ATP8B4: variants seen among roughly 807,000 people sequenced by gnomAD.
ATP8B4 encodes probable phospholipid-transporting ATPase IM.
A neutral mutation model predicts 145.6 loss-of-function variants in ATP8B4; 133 were observed. The ratio of observed to expected loss-of-function variants is 0.91; its 90% CI spans 0.79 to 1.05. ATP8B4 has a LOEUF of 1.05. ATP8B4 is among the 50% of genes least tolerant of loss of function. The pLI is 0.00. For missense variants in ATP8B4, 1,458 were observed against 1,425.2 expected, an observed-to-expected ratio of 1.02 and a Z score of -0.37; for synonymous variants, 507 against 492.9, an observed-to-expected ratio of 1.03 and a Z score of -0.38.
intron 1 of ATP8B4, among the ~76,000 whole-genome samples, chr15:50,155,184 A>G (rs552245750): frequency 6.6e-6 from 1 of 152,180 alleles, no homozygotes; most frequent in Non-Finnish European, 1.5e-5. Flanking sequence ...CATTTTGTCA[A>G]TAACTCAGAA....
At chr15:50,151,323 T>TA (rs1053346725) in intron 1 of ATP8B4, among the ~76,000 whole-genome samples, 1 of 152,190 alleles carries the variant, frequency 6.6e-6, no homozygotes, top group Admixed American at 6.5e-5. Context: ...GCTCAGATTT[T>TA]AAAATTTCTT....
Position 49,978,739 on chromosome 15 carries a change from T to TACACACACACACACAC in ATP8B4, c.1034+862_1034+877dup, listed in dbSNP as rs60436585. 6.5e-4 allele frequency among the ~76,000 whole-genome samples: 80 copies of TACACACACACACACAC among 122,852 alleles called. 1 individual carries two copies. In the East Asian group the frequency reaches 0.011, roughly 16 times the overall value. 80.6% of individuals were successfully genotyped at this position (122,852 alleles called of 152,430 possible). The stretch of plus-strand genomic sequence containing the variant: ...GGGCCAATTTCTAAGCTTTATCAAA[T>TACACACACACACACAC]ACACACACACACACACACACACACA... On this transcript the variant is annotated intron_variant, in intron 12 of 27. Coordinates refer to ENST00000284509, the MANE Select transcript of ATP8B4 (RefSeq NM_024837.4).
chr15:49,905,221 G>A (rs1028344582), intron 20 of ATP8B4, among the ~76,000 whole-genome samples: 15 of 152,160 alleles, frequency 9.9e-5, no homozygotes, highest in Non-Finnish European at 1.8e-4. Flanking sequence ...ATATATCCAT[G>A]TTTATGAAAT....
chr15:49,977,673 G>A (rs1405212396), intron 12 of ATP8B4, among the ~76,000 whole-genome samples: 2 of 151,926 alleles, frequency 1.3e-5, no homozygotes. Flanking sequence ...GAGTTTTAAG[G>A]TATCATATTT....
rs550330131 is a variant in ATP8B4 at position 49,912,025 on chromosome 15, G to A, written c.2141+4909C>T. ...AACATACCAAAACCTATGGAATACA[G>A]CAAAAGCACTGCTAAGAGAGAATTT... On this transcript the variant is annotated intron_variant, in intron 20 of 27. Coordinates refer to ENST00000284509, the MANE Select transcript of ATP8B4 (RefSeq NM_024837.4). Among the ~76,000 whole-genome samples, 23 of 152,176 alleles carry A rather than the reference G, an allele frequency of 1.5e-4. No homozygotes were observed. The East Asian group carries it at 4.4e-3, about 29-fold the overall frequency.
intron 1 of ATP8B4, among the ~76,000 whole-genome samples, chr15:50,178,002 A>G (rs564863679): frequency 1.6e-4 from 24 of 152,316 alleles, no homozygotes; most frequent in African/African-American, 5.8e-4. Flanking sequence ...GCAGAGATAG[A>G]TGATAGGGAT....
In ATP8B4 at chr15:49,886,136, G is replaced by A. The variant is rs114442300; in HGVS notation, c.2698-6677C>T. On this transcript the variant is annotated intron_variant, in intron 23 of 27. Coordinates refer to ENST00000284509, the MANE Select transcript of ATP8B4 (RefSeq NM_024837.4). The stretch of plus-strand genomic sequence containing the variant: ...TCACTAGACTGTGAGCTACTTGAGA[G>A]CGGGTAATCTAACTCACCCGTGGGG... Among the ~76,000 whole-genome samples the A allele has an allele frequency of 4.4e-3, 665 of 152,280 alleles. 2 individuals are homozygous for A. The highest frequency in any genetic ancestry group is 0.015 in the African/African-American group (635 of 41,538).
intron 26 of ATP8B4, among the ~76,000 whole-genome samples, chr15:49,865,058 G>T (rs1275759684): frequency 6.6e-6 from 1 of 152,130 alleles, no homozygotes; most frequent in Non-Finnish European, 1.5e-5. Context: ...TTCAGGATGG[G>T]GGCTGCTCAT....
intron 2 of ATP8B4, among the ~76,000 whole-genome samples, chr15:50,093,062 G>A (rs1348145080): frequency 2.0e-5 from 3 of 151,928 alleles, no homozygotes; most frequent in East Asian, 3.9e-4. Context: ...TCTTTAAAGT[G>A]CCAGAAGAAA....
intron 1 of ATP8B4, among the ~76,000 whole-genome samples, chr15:50,168,394 C>T (rs1567416258): frequency 6.6e-6 from 1 of 152,124 alleles, no homozygotes; most frequent in African/African-American, 2.4e-5. Flanking sequence ...AGACCCTCCT[C>T]TCTCAAACAC....
intron 12 of ATP8B4, among the ~76,000 whole-genome samples, chr15:49,975,334 T>G (rs1328703724): frequency 6.6e-6 from 1 of 152,134 alleles, no homozygotes; most frequent in Non-Finnish European, 1.5e-5. Flanking sequence ...ACATCACAGT[T>G]GTCCCTTGAA....
At chr15:50,073,019 TAC>T (rs373934302) in intron 3 of ATP8B4, among the ~76,000 whole-genome samples, 492 of 32,268 alleles carry the variant, frequency 0.015, 13 homozygotes, top group African/African-American at 0.023. Flanking sequence ...TATATATATA[TAC>T]ACACACACAC....
chr15:50,060,091 C>T (rs1018547837), intron 3 of ATP8B4, among the ~76,000 whole-genome samples: 5 of 152,076 alleles, frequency 3.3e-5, no homozygotes, highest in African/African-American at 9.7e-5. Flanking sequence ...TTGCCTCGGC[C>T]GAGCCAGAGC....
chr15:50,048,473 A>T (rs1397134946), intron 3 of ATP8B4, among the ~76,000 whole-genome samples: 2 of 151,986 alleles, frequency 1.3e-5, no homozygotes, highest in Admixed American at 1.3e-4. Flanking sequence ...TTTGGGAGGC[A>T]GAGGTAGGTG....
intron 11 of ATP8B4, among the ~76,000 whole-genome samples, chr15:49,980,097 A>AT (rs1370825500): frequency 4.6e-5 from 7 of 152,214 alleles, no homozygotes; most frequent in African/African-American, 1.4e-4. Flanking sequence ...AAGACTATGT[A>AT]ACTTGTCTAT....
At chr15:50,085,045 A>G (rs76639739) in intron 2 of ATP8B4, among the ~76,000 whole-genome samples, 1 of 151,802 alleles carries the variant, frequency 6.6e-6, no homozygotes, top group South Asian at 2.1e-4. Context: ...TCTCTCTCCT[A>G]CTCAAGGCCA....
At chr15:50,061,540 C>T (rs2053024122) in intron 3 of ATP8B4, among the ~76,000 whole-genome samples, 1 of 151,974 alleles carries the variant, frequency 6.6e-6, no homozygotes. Context: ...TTTAATAAGC[C>T]TATATAAAAC....
intron 2 of ATP8B4, among the ~76,000 whole-genome samples, chr15:50,083,393 G>A (rs750850202): frequency 6.6e-6 from 1 of 151,884 alleles, no homozygotes. Context: ...CATACAGAAT[G>A]CTTTCTCTAA....
At chr15:50,032,180 C>T (rs900135552) in intron 6 of ATP8B4, among the ~76,000 whole-genome samples, 4 of 152,016 alleles carry the variant, frequency 2.6e-5, no homozygotes, top group Non-Finnish European at 5.9e-5. Context: ...GCTCTCCCTC[C>T]CCTTGCCCCC....
Sources: allele counts gnomAD v4.1 joint callset (sites outside exome capture counted in the v4.1 genomes callset), GRCh38; gene constraint gnomAD v4.1.1; transcripts MANE v1.5; gene names NCBI Gene and HGNC (gene_info 2026-07-23, HGNC 2026-07-21).